Variants in SULT4A1 observed in about 807,000 individuals in gnomAD.
SULT4A1 encodes the protein sulfotransferase 4A1.
Under a neutral mutation model 35.2 loss-of-function variants are expected in SULT4A1, and 11 were observed. The ratio of observed to expected loss-of-function variants is 0.31; its 90% CI spans 0.20 to 0.52. SULT4A1 has a LOEUF of 0.52. Among genes scored for constraint, SULT4A1 ranks in the 20% least tolerant of loss-of-function variants. The pLI is 0.97. For missense variants in SULT4A1, 271 were observed against 383.7 expected, an observed-to-expected ratio of 0.71 and a Z score of 2.45; for synonymous variants, 152 against 151.8, an observed-to-expected ratio of 1.00 and a Z score of -0.01.
intron 1 of SULT4A1, among the ~76,000 whole-genome samples, chr22:43,852,271 G>A (rs1247354985): frequency 6.6e-6 from 1 of 151,868 alleles, no homozygotes; most frequent in Non-Finnish European, 1.5e-5. Flanking sequence ...GGGTCCAAGG[G>A]ATCCTCCCAC....
chr22:43,849,809 G>A (rs1206037295), intron 1 of SULT4A1, among the ~76,000 whole-genome samples: 2 of 152,228 alleles, frequency 1.3e-5, no homozygotes, highest in Non-Finnish European at 2.9e-5. Context: ...GCAGAAGGCA[G>A]CCGCCTCACA....
chr22:43,862,201 G>C lies in SULT4A1; in HGVS notation c.169+13C>G. The C allele has an allele frequency of 6.6e-7, 1 of 1,525,974 alleles. No individual in the cohort carries two copies. The highest frequency in any genetic ancestry group is 8.8e-7 in the Non-Finnish European group (1 of 1,137,066). The allele number at this position is 1,525,974 out of a possible 1,614,324, so 94.5% of individuals were successfully genotyped here. ...GGGCATGGCGTGGCGGGCGCGGTCG[G>C]CGCGGGGCTCACCGGACTTGGGGTA... On this transcript the variant is annotated intron_variant, in intron 1 of 6. Transcript: ENST00000330884.
chr22:43,844,750 C>G (rs2063461511), intron 1 of SULT4A1, among the ~76,000 whole-genome samples: 1 of 152,220 alleles, frequency 6.6e-6, no homozygotes, highest in African/African-American at 2.4e-5. Flanking sequence ...CCTGCCCCTT[C>G]AAGTCGGCCT....
chr22:43,837,200 G>A (rs190793300), intron 4 of SULT4A1, among the ~76,000 whole-genome samples: 31 of 152,350 alleles, frequency 2.0e-4, no homozygotes, highest in Admixed American at 1.0e-3. Context: ...GAAGGACGGA[G>A]CACAGGGGTG....
intron 1 of SULT4A1, among the ~76,000 whole-genome samples, chr22:43,849,437 C>G (rs2063496782): frequency 6.6e-6 from 1 of 152,178 alleles, no homozygotes; most frequent in Non-Finnish European, 1.5e-5. Flanking sequence ...TCCCTGCCCC[C>G]AATCCTGTGC....
In SULT4A1 at chr22:43,856,951, C is replaced by T. The variant is rs147971555; in HGVS notation, c.169+5263G>A. On this transcript the variant is annotated intron_variant, in intron 1 of 6. Transcript: ENST00000330884. Reference sequence around the variant, plus strand: ...CACAAAAAAGGCACACGCGCACACACACAAACAAAACTGTCAAGAGACAAA... The same window carrying T: ...CACAAAAAAGGCACACGCGCACACATACAAACAAAACTGTCAAGAGACAAA... Among the ~76,000 whole-genome samples the T allele has an allele frequency of 4.1e-3, 618 of 152,198 alleles. 1 individual carries two copies. Among genetic ancestry groups the T allele is most frequent in the Middle Eastern group, 6.8e-3 (2 of 294 alleles).
At position 43,827,377 on chromosome 22, in the gene SULT4A1, A is replaced by C; in HGVS notation, c.743-1264T>G. ...AAAATTATCAGTGTTGGAGAGAAAA[A>C]CAAGAAAAATTATTCTTGTAACCCT... On this transcript the variant is annotated intron_variant, in intron 6 of 6. Transcript: ENST00000330884. The C allele has an allele frequency of 4.4e-6, 5 of 1,140,688 alleles. No homozygotes were observed. The South Asian group carries it at 9.5e-5, about 22-fold the overall frequency. 70.7% of individuals were successfully genotyped at this position (1,140,688 alleles called of 1,614,324 possible).
In SULT4A1 at chr22:43,829,187, C is replaced by T. The variant is rs776541267; in HGVS notation, c.615G>A (p.Thr205=). 3.8e-6 allele frequency: 6 copies of T among 1,563,490 alleles called. No homozygotes were observed. Among genetic ancestry groups the T allele is most frequent in the South Asian group, 2.4e-5 (2 of 84,288 alleles). Residue 205 remains threonine (T), a synonymous_variant, in exon 6 of 7, where the codon ACG becomes ACA. Transcript: ENST00000330884. The part of the protein sequence containing the change: ...KYEDMHRDLV[T]MVEQLARFLG... ...GGAATCTGGCCAGCTGCTCCACCATCGTCACCAGGTCCTGGAAGACAAGTG... is the reference window on the plus strand; with the variant it reads ...GGAATCTGGCCAGCTGCTCCACCATTGTCACCAGGTCCTGGAAGACAAGTG...
intron 4 of SULT4A1, among the ~76,000 whole-genome samples, chr22:43,835,384 G>T (rs1422683296): frequency 6.6e-6 from 1 of 152,214 alleles, no homozygotes; most frequent in Non-Finnish European, 1.5e-5. Context: ...CTGGGCAGTC[G>T]GGGGCTGGCG....
chr22:43,847,190 G>A lies in SULT4A1; in HGVS notation c.170-5258C>T, dbSNP rs192895578. ...GCAGGTCAACGTGGGCATCAGGGAGGGAGGGGCACCGAGAACACACACCAC... is the reference window on the plus strand; with the variant it reads ...GCAGGTCAACGTGGGCATCAGGGAGAGAGGGGCACCGAGAACACACACCAC... On this transcript the variant is annotated intron_variant, in intron 1 of 6. Coordinates refer to ENST00000330884, the MANE Select transcript of SULT4A1 (RefSeq NM_014351.4). Among the ~76,000 whole-genome samples the A allele has an allele frequency of 2.9e-3, 438 of 152,104 alleles. 1 individual carries two copies. Among genetic ancestry groups the A allele is most frequent in the Non-Finnish European group, 5.3e-3 (359 of 67,976 alleles).
At chr22:43,829,220 C>G in intron 5 of SULT4A1, 22 bp from the exon 6 acceptor site, 1 of 1,524,860 alleles carries the variant, frequency 6.6e-7, no homozygotes. Context: ...GTGCAGAGAG[C>G]AGAGCAGCCC....
chr22:43,852,881 C>T (rs1213827909), intron 1 of SULT4A1, among the ~76,000 whole-genome samples: 10 of 151,864 alleles, frequency 6.6e-5, no homozygotes, highest in Non-Finnish European at 1.5e-4. Flanking sequence ...ACCCACCTCA[C>T]TGGAGCTGCT....
chr22:43,841,990 G>T, intron 1 of SULT4A1, 58 bp from the exon 2 acceptor site: 1 of 1,573,342 alleles, frequency 6.4e-7, no homozygotes, highest in Non-Finnish European at 8.6e-7. Flanking sequence ...GCCCGGCCCT[G>T]TGCTCGGGTC....
chr22:43,846,417 C>T (rs1223704481), intron 1 of SULT4A1, among the ~76,000 whole-genome samples: 4 of 152,250 alleles, frequency 2.6e-5, no homozygotes. Context: ...TTGTTCTTTG[C>T]TGCACCAGGA....
intron 6 of SULT4A1, chr22:43,826,999 G>A: frequency 1.0e-6 from 1 of 985,460 alleles, no homozygotes; most frequent in Non-Finnish European, 1.2e-6. Flanking sequence ...AACATGACAA[G>A]AGAAGTTGTT....
rs1318349645 is a variant in SULT4A1 at position 43,825,953 on chromosome 22, T to TA, written c.*47dup. The TA allele has an allele frequency of 1.3e-6, 2 of 1,574,344 alleles. No homozygotes were observed. The highest frequency in any genetic ancestry group is 2.3e-5 in the South Asian group (2 of 88,584). ...AATGAATGCATACAGGACTTTTGGC[T>TA]AGTAGACTGTCTGGGTATTGTGAGC... On this transcript the variant is annotated 3_prime_UTR_variant, in exon 7 of 7. Coordinates refer to ENST00000330884, the MANE Select transcript of SULT4A1 (RefSeq NM_014351.4).
At chr22:43,849,721 T>G (rs1347903703) in intron 1 of SULT4A1, among the ~76,000 whole-genome samples, 1 of 152,154 alleles carries the variant, frequency 6.6e-6, no homozygotes, top group East Asian at 1.9e-4. Flanking sequence ...GCCTCATTCC[T>G]CCTGGATGCC....
intron 5 of SULT4A1, among the ~76,000 whole-genome samples, chr22:43,831,513 C>A (rs1367011918): frequency 6.6e-6 from 1 of 152,178 alleles, no homozygotes; most frequent in Non-Finnish European, 1.5e-5. Flanking sequence ...GACTCCAGAA[C>A]GTCCACGGAG....
At chr22:43,857,369 T>C (rs1398756577) in intron 1 of SULT4A1, among the ~76,000 whole-genome samples, 3 of 26,942 alleles carry the variant, frequency 1.1e-4, no homozygotes, top group African/African-American at 4.7e-4. Context: ...AGATCCTGTC[T>C]CAAAAAAAAA....
Sources: allele counts gnomAD v4.1 joint callset (sites outside exome capture counted in the v4.1 genomes callset), GRCh38; gene constraint gnomAD v4.1.1; transcripts MANE v1.5; gene names NCBI Gene and HGNC (gene_info 2026-07-23, HGNC 2026-07-21).